The following PLCG1 variants were observed in gnomAD, a reference collection of about 807,000 sequenced individuals.
PLCG1 encodes the protein phospholipase C gamma 1.
A neutral mutation model predicts 177.8 loss-of-function variants in PLCG1; 71 were observed. The ratio of observed to expected loss-of-function variants is 0.40; its 90% CI spans 0.33 to 0.49. The LOEUF is 0.49. Ranked by LOEUF, PLCG1 falls within the 20% of genes least tolerant of loss-of-function variation. PLCG1 has a pLI of 0.72. For missense variants in PLCG1, 1,281 were observed against 1,709.0 expected (o/e 0.75, Z 4.42); for synonymous variants, 658 against 647.9 (o/e 1.02, Z -0.24).
chr20:41,138,682 C>G (rs1046244086), intron 1 of PLCG1, among the ~76,000 whole-genome samples: 1 of 152,072 alleles, frequency 6.6e-6, no homozygotes, highest in African/African-American at 2.4e-5. Flanking sequence ...GAGTCTAGCC[C>G]TTTGTCCTCT....
rs760727490 is a variant in PLCG1 at position 41,172,860 on chromosome 20, T to C, written c.3262T>C (p.Cys1088Arg). ...DKSSLRGLEP[C>R]AISIEVLGAR... The stretch of plus-strand genomic sequence containing the variant: ...GAGCAGCCTCCGCGGGCTGGAGCCA[T>C]GTGCCATCTCTATTGAGGTGGGTGC... The change falls in exon 27 of 32, where the codon TGT (cysteine) becomes CGT (arginine). Residue 1088 changes from cysteine (C) to arginine (R), a missense_variant. Physicochemically the swap from Cys to Arg is radical, Grantham distance 180. Coordinates refer to ENST00000685551, the MANE Select transcript of PLCG1 (RefSeq NM_002660.3). This position sits in a 1 kb window ranked among gnomAD's most constrained non-coding sequence, Gnocchi z 7.0. 3 of 1,613,926 alleles carry C rather than the reference T, an allele frequency of 1.9e-6. No individual in the cohort carries two copies. Among genetic ancestry groups the C allele is most frequent in the African/African-American group, 1.3e-5 (1 of 74,908 alleles).
chr20:41,172,081 G>A lies in PLCG1; in HGVS notation c.2809-112G>A, dbSNP rs1438286961. On this transcript the variant is annotated intron_variant, in intron 24 of 31. Transcript: ENST00000685551. This position sits in a 1 kb window ranked among gnomAD's most constrained non-coding sequence, Gnocchi z 7.0. ...GTGTCTGGAAGGTACAGGGGAAGGT[G>A]GGAGAGGGGCCCAGAGCACCTGCAG... 7.6e-6 allele frequency: 6 copies of A among 788,150 alleles called. No individual in the cohort carries two copies. Among genetic ancestry groups the A allele is most frequent in the Non-Finnish European group, 1.4e-5 (6 of 435,382 alleles). 48.8% of individuals were successfully genotyped at this position (788,150 alleles called of 1,614,324 possible). A position where few individuals can be genotyped will look rare whatever the true frequency, so the allele number is the denominator to read the frequency against.
chr20:41,139,423 A>T (rs915057856), intron 1 of PLCG1, among the ~76,000 whole-genome samples: 3 of 152,102 alleles, frequency 2.0e-5, no homozygotes, highest in African/African-American at 4.8e-5. Flanking sequence ...GTTCTCAGAG[A>T]TCTCCTGGGT....
In PLCG1 at chr20:41,172,387, C is replaced by G. The variant is rs572929983; in HGVS notation, c.2906-34C>G. On this transcript the variant is annotated intron_variant, in intron 25 of 31. Coordinates refer to ENST00000685551, the MANE Select transcript of PLCG1 (RefSeq NM_002660.3). This position sits in a 1 kb window ranked among gnomAD's most constrained non-coding sequence, Gnocchi z 7.0. Reference sequence around the variant, plus strand: ...ATCCCCCCAACACTTCCTGGGTGGGCGGGCTCTGTAAGTGTTTTCCCTGTT... The same window carrying G: ...ATCCCCCCAACACTTCCTGGGTGGGGGGGCTCTGTAAGTGTTTTCCCTGTT... 1 of 1,594,748 alleles carries G rather than the reference C, an allele frequency of 6.3e-7. No homozygotes were observed. The highest frequency in any genetic ancestry group is 8.6e-7 in the Non-Finnish European group (1 of 1,162,496).
intron 1 of PLCG1, among the ~76,000 whole-genome samples, chr20:41,143,137 C>G (rs2034884445): frequency 6.6e-6 from 1 of 152,190 alleles, no homozygotes; most frequent in Admixed American, 6.5e-5. Flanking sequence ...TGATATTGTC[C>G]TATTTCTAAG....
At position 41,166,557 on chromosome 20, in the gene PLCG1, G is replaced by A. The variant is rs1399063318; in HGVS notation, c.2082G>A (p.Arg694=). 4.3e-6 allele frequency: 7 copies of A among 1,614,184 alleles called. No homozygotes were observed. Among genetic ancestry groups the A allele is most frequent in the Non-Finnish European group, 5.9e-6 (7 of 1,180,040 alleles). The change falls in exon 18 of 32, where the codon CGG becomes CGA. Residue 694 remains arginine (R), a synonymous_variant. Coordinates refer to ENST00000685551, the MANE Select transcript of PLCG1 (RefSeq NM_002660.3). This position sits in a 1 kb window ranked among gnomAD's most constrained non-coding sequence, Gnocchi z 8.6. ...RVPRDGAFLV[R]KRNEPNSYAI... ...CTCGTGATGGGGCCTTCCTGGTGCG[G>A]AAGCGGAATGAACCCAACTCATATG...
chr20:41,144,376 T>C lies in PLCG1; in HGVS notation c.217+6518T>C, dbSNP rs1192246170. On this transcript the variant is annotated intron_variant, in intron 1 of 31. Coordinates refer to ENST00000685551, the MANE Select transcript of PLCG1 (RefSeq NM_002660.3). This position sits in a 1 kb window ranked among gnomAD's most constrained non-coding sequence, Gnocchi z 4.1. Reference sequence around the variant, plus strand: ...TTTGTTTTTCTTCCCTCTGGCCACATGTGTTTGACCAGCCTAGACTTCCAT... The same window carrying C: ...TTTGTTTTTCTTCCCTCTGGCCACACGTGTTTGACCAGCCTAGACTTCCAT... Among the ~76,000 whole-genome samples, 4 of 152,258 alleles carry C rather than the reference T, an allele frequency of 2.6e-5. No homozygotes were observed. Among genetic ancestry groups the C allele is most frequent in the African/African-American group, 9.6e-5 (4 of 41,464 alleles).
At chr20:41,141,269 C>T (rs1044351482) in intron 1 of PLCG1, among the ~76,000 whole-genome samples, 3 of 152,232 alleles carry the variant, frequency 2.0e-5, no homozygotes. Context: ...TGATCCTTCA[C>T]TAGATACTTT....
chr20:41,159,452 C>T lies in PLCG1; in HGVS notation c.218-154C>T, dbSNP rs34676637. Among the ~76,000 whole-genome samples, 1,180 of 152,274 alleles carry T rather than the reference C, an allele frequency of 7.7e-3. 10 individuals are homozygous for T. Among genetic ancestry groups the T allele is most frequent in the African/African-American group, 0.027 (1,117 of 41,520 alleles). The stretch of plus-strand genomic sequence containing the variant: ...GGCCTATCCCTAGACTCAACCCAGC[C>T]CTCTTATTACCAGAGTGACTGAGTG... On this transcript the variant is annotated intron_variant, in intron 1 of 31. Coordinates refer to ENST00000685551, the MANE Select transcript of PLCG1 (RefSeq NM_002660.3). This position sits in a 1 kb window ranked among gnomAD's most constrained non-coding sequence, Gnocchi z 6.0.
At position 41,174,173 on chromosome 20, in the gene PLCG1, G is replaced by T; in HGVS notation, c.3695G>T (p.Arg1232Leu). The T allele has an allele frequency of 6.2e-7, 1 of 1,614,110 alleles. No individual in the cohort carries two copies. The stretch of plus-strand genomic sequence containing the variant: ...TTCAGTGGTACGTCCCTGCGGGAGC[G>T]GGGCTCAGATGCCTCAGGCCAGCTG... ...SPFSGTSLRE[R>L]GSDASGQLFH... The change falls in exon 31 of 32, where the codon CGG becomes CTG. Residue 1232 changes from arginine (R) to leucine (L), a missense_variant. Transcript: ENST00000685551. This position sits in a 1 kb window ranked among gnomAD's most constrained non-coding sequence, Gnocchi z 5.8.
rs2035037903 is a variant in PLCG1 at position 41,147,740 on chromosome 20, CAG to C, written c.217+9883_217+9884del. On this transcript the variant is annotated intron_variant, in intron 1 of 31. Transcript: ENST00000685551. This position sits in a 1 kb window ranked among gnomAD's most constrained non-coding sequence, Gnocchi z 4.0. ...GTCAGGCGCCTGTAACCCAGCTACT[CAG>C]GAAGCTGAGGCAGGATAATTGCTTG... Among the ~76,000 whole-genome samples the C allele has an allele frequency of 1.3e-5, 2 of 152,168 alleles. No homozygotes were observed. Among genetic ancestry groups the C allele is most frequent in the Admixed American group, 1.3e-4 (2 of 15,290 alleles).
rs903500424 is a variant in PLCG1, at chr20:41,175,156, C to T, written c.*647C>T. On this transcript the variant is annotated 3_prime_UTR_variant, in exon 32 of 32. Transcript: ENST00000685551. ...TGTTAAAAATAGCAGTATTATTTTT[C>T]GTCTCAATGGTATTGTAACTAAGTT... The T allele has an allele frequency of 5.2e-5, 8 of 152,874 alleles. No individual in the cohort carries two copies. Among genetic ancestry groups the T allele is most frequent in the South Asian group, 2.1e-4 (1 of 4,824 alleles). 9.5% of individuals were successfully genotyped at this position (152,874 alleles called of 1,614,324 possible).
chr20:41,148,358 G>A lies in PLCG1; in HGVS notation c.217+10500G>A, dbSNP rs954030532. Among the ~76,000 whole-genome samples the A allele has an allele frequency of 6.6e-6, 1 of 152,100 alleles. No homozygotes were observed. The highest frequency in any genetic ancestry group is 1.9e-4 in the East Asian group (1 of 5,196). On this transcript the variant is annotated intron_variant, in intron 1 of 31. Coordinates refer to ENST00000685551, the MANE Select transcript of PLCG1 (RefSeq NM_002660.3). The surrounding 1 kb of genome is among the most constrained non-coding windows in gnomAD (Gnocchi z 4.3). ...CTACCTCAGCCCCTGTTGCTCTGAC[G>A]CTTCCCCCACCACTATGAGTCCTAG...
rs2035122459 is a variant in PLCG1, at chr20:41,150,152, T to C, written c.218-9454T>C. ...CTACAGTGAGCCCTGTTGGTGCCAC[T>C]GCACTCCAGCCTGGACAACAGAGTG... On this transcript the variant is annotated intron_variant, in intron 1 of 31. Coordinates refer to ENST00000685551, the MANE Select transcript of PLCG1 (RefSeq NM_002660.3). This position sits in a 1 kb window ranked among gnomAD's most constrained non-coding sequence, Gnocchi z 4.0. Among the ~76,000 whole-genome samples the C allele has an allele frequency of 6.6e-6, 1 of 152,114 alleles. No individual in the cohort carries two copies. Among genetic ancestry groups the C allele is most frequent in the Non-Finnish European group, 1.5e-5 (1 of 68,026 alleles).
At chr20:41,158,701 CTT>C (rs1420323122) in intron 1 of PLCG1, among the ~76,000 whole-genome samples, 1 of 152,206 alleles carries the variant, frequency 6.6e-6, no homozygotes, top group African/African-American at 2.4e-5. Context: ...GTGGCTGTCA[CTT>C]TATTGAGATC....
In PLCG1 at chr20:41,165,834, T is replaced by C; in HGVS notation, c.1799+8T>C. 6.4e-7 allele frequency: 1 copy of C among 1,568,982 alleles called. No homozygotes were observed. Among genetic ancestry groups the C allele is most frequent in the Non-Finnish European group, 8.7e-7 (1 of 1,153,266 alleles). ...CTACACGCTCTCTTTCTGGTAACAC[T>C]TCCCATGCAGATGCGTATGTTCAGT... On this transcript the variant is annotated splice_region_variant and intron_variant, in intron 16 of 31. Coordinates refer to ENST00000685551, the MANE Select transcript of PLCG1 (RefSeq NM_002660.3). This position sits in a 1 kb window ranked among gnomAD's most constrained non-coding sequence, Gnocchi z 6.6.
rs529420619 is a variant in PLCG1, at chr20:41,172,872, A to T, written c.3274A>T (p.Ile1092Phe). The change falls in exon 27 of 32, where the codon ATT becomes TTT. Residue 1092 changes from isoleucine to phenylalanine, a missense_variant. Transcript: ENST00000685551. The surrounding 1 kb of genome is among the most constrained non-coding windows in gnomAD (Gnocchi z 7.0). ...CGGGCTGGAGCCATGTGCCATCTCTATTGAGGTGGGTGCTGCTCATCTGGG... is the reference window on the plus strand; with the variant it reads ...CGGGCTGGAGCCATGTGCCATCTCTTTTGAGGTGGGTGCTGCTCATCTGGG... ...LRGLEPCAIS[I>F]EVLGARHLPK... The T allele has an allele frequency of 6.2e-7, 1 of 1,613,890 alleles. No homozygotes were observed. The highest frequency in any genetic ancestry group is 8.5e-7 in the Non-Finnish European group (1 of 1,179,918).
chr20:41,144,536 G>A lies in PLCG1; in HGVS notation c.217+6678G>A, dbSNP rs565034793. Among the ~76,000 whole-genome samples, 1 of 152,280 alleles carries A rather than the reference G, an allele frequency of 6.6e-6. No individual in the cohort carries two copies. The highest frequency in any genetic ancestry group is 2.1e-4 in the South Asian group (1 of 4,818). ...CTACATGGGGGTGAATGTAGCCGCTGATTGGGGGTGGGACACAGAAGAGCC... is the reference window on the plus strand; with the variant it reads ...CTACATGGGGGTGAATGTAGCCGCTAATTGGGGGTGGGACACAGAAGAGCC... On this transcript the variant is annotated intron_variant, in intron 1 of 31. Transcript: ENST00000685551. The surrounding 1 kb of genome is among the most constrained non-coding windows in gnomAD (Gnocchi z 4.1).
At chr20:41,155,479 G>A (rs1219665638) in intron 1 of PLCG1, among the ~76,000 whole-genome samples, 1 of 152,184 alleles carries the variant, frequency 6.6e-6, no homozygotes, top group Non-Finnish European at 1.5e-5. Flanking sequence ...CAGACTATTG[G>A]TGAGTGTGCT....
Sources: gnomAD v4.1 joint callset for allele counts (sites outside exome capture counted in the v4.1 genomes callset) on GRCh38, gnomAD v4.1.1 for gene constraint, Gnocchi (gnomAD v3.1) non-coding constraint, MANE v1.5 for transcripts, NCBI Gene and HGNC (gene_info 2026-07-23, HGNC 2026-07-21) for gene names.